RGS7: variants seen among roughly 807,000 people sequenced by gnomAD.
The protein encoded by RGS7 is regulator of G-protein signaling 7.
In RGS7, 27 loss-of-function variants were observed where a neutral mutation model predicts 81.1. The ratio of observed to expected loss-of-function variants is 0.33; its 90% confidence interval spans 0.25 to 0.46. RGS7 has a LOEUF of 0.46. RGS7 is among the 20% of genes least tolerant of loss of function. The pLI is 1.00. For synonymous variants in RGS7, 208 were observed against 207.7 expected (o/e 1.00, Z -0.01); for missense variants, 396 against 607.4 (o/e 0.65, Z 3.66).
chr1:240,998,548 G>A (rs1687647747), intron 3 of RGS7: 12 of 866,556 alleles, frequency 1.4e-5, no homozygotes, highest in East Asian at 2.5e-5. Flanking sequence ...CAGCAGAGGC[G>A]GGCAGAAGCT....
chr1:241,279,105 T>C (rs1047627050), intron 2 of RGS7, among the ~76,000 whole-genome samples: 11 of 151,928 alleles, frequency 7.2e-5, no homozygotes, highest in Non-Finnish European at 1.6e-4. Context: ...CAAGATCTCA[T>C]AAATTCTTCA....
intron 2 of RGS7, among the ~76,000 whole-genome samples, chr1:241,234,367 C>T (rs1050183564): frequency 1.3e-4 from 20 of 152,296 alleles, no homozygotes; most frequent in African/African-American, 4.3e-4. Context: ...GCCCCGCTTG[C>T]CATTAAATGC....
chr1:241,245,385 C>T (rs1291240121), intron 2 of RGS7, among the ~76,000 whole-genome samples: 1 of 152,010 alleles, frequency 6.6e-6, no homozygotes, highest in South Asian at 2.1e-4. Context: ...AGTGTGCTCA[C>T]TTCCCCTTCG....
intron 2 of RGS7, among the ~76,000 whole-genome samples, chr1:241,111,858 G>A (rs1416370930): frequency 2.6e-5 from 4 of 152,282 alleles, no homozygotes; most frequent in Middle Eastern, 3.4e-3. Context: ...TAAACTGACT[G>A]AAAACAATAA....
intron 6 of RGS7, among the ~76,000 whole-genome samples, chr1:240,886,115 T>G (rs1372311936): frequency 6.6e-6 from 1 of 152,232 alleles, no homozygotes; most frequent in Non-Finnish European, 1.5e-5. Context: ...TGAGCCACTG[T>G]TCCAAGCAAA....
rs142517085 is a variant in RGS7, at chr1:241,077,860, C to T, written c.175+20806G>A. On this transcript the variant is annotated intron_variant, in intron 3 of 18. Coordinates refer to ENST00000440928, the MANE Select transcript of RGS7 (RefSeq NM_001364886.1). ...ACCCCTACCCTGAGAAGTCTCTTACCGGGGTGACTTTTCTTCAAAGAAAGC... is the reference window on the plus strand; with the variant it reads ...ACCCCTACCCTGAGAAGTCTCTTACTGGGGTGACTTTTCTTCAAAGAAAGC... 3.2e-3 allele frequency among the ~76,000 whole-genome samples: 491 copies of T among 152,178 alleles called. 1 individual carries two copies. Among genetic ancestry groups the T allele is most frequent in the African/African-American group, 0.011 (462 of 41,532 alleles).
At chr1:241,237,882 C>T (rs1222066605) in intron 2 of RGS7, among the ~76,000 whole-genome samples, 1 of 152,190 alleles carries the variant, frequency 6.6e-6, no homozygotes, top group East Asian at 1.9e-4. Flanking sequence ...GAAATCTTTT[C>T]TTGGGTTCCT....
intron 2 of RGS7, among the ~76,000 whole-genome samples, chr1:241,343,635 G>A (rs1417377459): frequency 6.6e-6 from 1 of 152,258 alleles, no homozygotes; most frequent in South Asian, 2.1e-4. Context: ...GCTTATATGA[G>A]GTACCTAGAG....
chr1:241,294,632 C>T (rs1409690787), intron 2 of RGS7, among the ~76,000 whole-genome samples: 1 of 152,194 alleles, frequency 6.6e-6, no homozygotes, highest in Non-Finnish European at 1.5e-5. Context: ...CTCACTGACT[C>T]ACCCAGAGCA....
intron 2 of RGS7, among the ~76,000 whole-genome samples, chr1:241,316,345 T>C (rs1468440126): frequency 6.6e-6 from 1 of 152,184 alleles, no homozygotes; most frequent in African/African-American, 2.4e-5. Context: ...CCTTCTCCTC[T>C]CCCTGGAGGT....
intron 2 of RGS7, among the ~76,000 whole-genome samples, chr1:241,269,948 C>A (rs1357954092): frequency 6.6e-6 from 1 of 152,222 alleles, no homozygotes; most frequent in Non-Finnish European, 1.5e-5. Flanking sequence ...GTAGCTCACT[C>A]TTCCTGAACC....
At chr1:241,027,645 T>C (rs538468385) in intron 3 of RGS7, among the ~76,000 whole-genome samples, 10 of 152,170 alleles carry the variant, frequency 6.6e-5, no homozygotes, top group Admixed American at 6.6e-4. Context: ...TAGGACTTGA[T>C]GATGGGTGAA....
At chr1:241,030,320 G>C (rs1359877391) in intron 3 of RGS7, among the ~76,000 whole-genome samples, 1 of 137,804 alleles carries the variant, frequency 7.3e-6, no homozygotes. Context: ...ACAGGGCTTG[G>C]AATAATGATT....
At chr1:240,859,306 C>A (rs1164508953) in intron 9 of RGS7, among the ~76,000 whole-genome samples, 1 of 151,894 alleles carries the variant, frequency 6.6e-6, no homozygotes. Flanking sequence ...GGCCTAATTT[C>A]TTTAATTGAA....
chr1:241,041,484 G>A (rs1394657367), intron 3 of RGS7, among the ~76,000 whole-genome samples: 4 of 152,080 alleles, frequency 2.6e-5, no homozygotes, highest in South Asian at 2.1e-4. Context: ...ACATAGGAAT[G>A]ATCCAGAGAA....
At chr1:240,777,839 C>T (rs999001898) in intron 18 of RGS7, among the ~76,000 whole-genome samples, 5 of 151,676 alleles carry the variant, frequency 3.3e-5, no homozygotes, top group Admixed American at 3.3e-4. Context: ...GGCCCTAACT[C>T]CTAATACCAT....
chr1:240,944,253 A>G (rs1275845408), intron 4 of RGS7, among the ~76,000 whole-genome samples: 2 of 131,060 alleles, frequency 1.5e-5, no homozygotes, highest in Non-Finnish European at 3.2e-5. Flanking sequence ...AGATTCTGTT[A>G]TATTATATGT....
chr1:241,019,311 C>A (rs1463979244), intron 3 of RGS7, among the ~76,000 whole-genome samples: 1 of 151,976 alleles, frequency 6.6e-6, no homozygotes, highest in Non-Finnish European at 1.5e-5. Context: ...TCTGTTGCTG[C>A]AGACTTTTTT....
chr1:240,804,498 A>G (rs991947167), intron 15 of RGS7, among the ~76,000 whole-genome samples: 14 of 152,226 alleles, frequency 9.2e-5, no homozygotes, highest in Admixed American at 2.6e-4. Flanking sequence ...GCTTAACTGA[A>G]AAAGAAATCT....
Sources: allele counts gnomAD v4.1 joint callset (sites outside exome capture counted in the v4.1 genomes callset), GRCh38; gene constraint gnomAD v4.1.1; transcripts MANE v1.5; gene names NCBI Gene and HGNC (gene_info 2026-07-23, HGNC 2026-07-21).